The following SLIT3 variants were observed in gnomAD, a reference collection of about 807,000 sequenced individuals.
The protein encoded by SLIT3 is slit guidance ligand 3.
SLIT3 carries 68 observed loss-of-function variants against 184.0 expected under a neutral mutation model. The observed-to-expected ratio is 0.37, with a 90% CI of 0.30 to 0.45. The LOEUF is 0.45. SLIT3 is among the 20% of genes least tolerant of loss of function. SLIT3 has a pLI of 1.00. For missense variants in SLIT3, 1,707 were observed against 2,026.0 expected, an observed-to-expected ratio of 0.84 and a Z score of 3.02; for synonymous variants, 831 against 828.6, an observed-to-expected ratio of 1.00 and a Z score of -0.05.
At chr5:169,137,824 A>G (rs977122910) in intron 4 of SLIT3, among the ~76,000 whole-genome samples, 2 of 151,966 alleles carry the variant, frequency 1.3e-5, no homozygotes, top group African/African-American at 4.8e-5. Flanking sequence ...AAGCAAGATG[A>G]GTTGGTCACA....
In SLIT3 at chr5:169,300,828, G is replaced by T; in HGVS notation, c.-119C>A. The stretch of plus-strand genomic sequence containing the variant: ...GAGCGGGCGGCGGAGTTAGCGCGGA[G>T]GAGGGGCGAGCTCGGTGCTCAGGCG... On this transcript the variant is annotated 5_prime_UTR_variant, in exon 1 of 36. Coordinates refer to ENST00000519560, the MANE Select transcript of SLIT3 (RefSeq NM_003062.4). This position sits in a 1 kb window ranked among gnomAD's most constrained non-coding sequence, Gnocchi z 4.1. 9.5e-7 allele frequency: 1 copy of T among 1,054,824 alleles called. No individual in the cohort carries two copies. Among genetic ancestry groups the T allele is most frequent in the Non-Finnish European group, 1.2e-6 (1 of 833,516 alleles). 65.3% of individuals were successfully genotyped at this position (1,054,824 alleles called of 1,614,324 possible).
chr5:168,774,252 C>T lies in SLIT3; in HGVS notation c.1278G>A (p.Leu426=), dbSNP rs1205191601. The change falls in exon 13 of 36, where the codon CTG becomes CTA. Residue 426 remains leucine, a synonymous_variant. Transcript: ENST00000519560. ...QTISKGLFAP[L]QSIQTLHLAQ... is the part of the protein sequence containing the mutation. Reference sequence around the variant, plus strand: ...GTACTCACAGTGTCTGGATGGACTGCAGAGGGGCGAAGAGCCCCTTGCTGA... The same window carrying T: ...GTACTCACAGTGTCTGGATGGACTGTAGAGGGGCGAAGAGCCCCTTGCTGA... The T allele has an allele frequency of 1.9e-6, 3 of 1,612,640 alleles. No homozygotes were observed. The highest frequency in any genetic ancestry group is 2.2e-5 in the South Asian group (2 of 90,800).
At chr5:169,177,751 C>T (rs550675854) in intron 4 of SLIT3, among the ~76,000 whole-genome samples, 11 of 152,332 alleles carry the variant, frequency 7.2e-5, no homozygotes, top group African/African-American at 2.4e-4. Flanking sequence ...AGGGTGGAGA[C>T]TGGACTCCTA....
chr5:169,052,147 C>T (rs7737524), intron 4 of SLIT3, among the ~76,000 whole-genome samples: 22,340 of 151,764 alleles, frequency 0.15, 2,089 homozygotes, highest in African/African-American at 0.27. Flanking sequence ...CTCATATACC[C>T]CCATCCCACA....
At chr5:168,962,634 G>C (rs1278966903) in intron 4 of SLIT3, among the ~76,000 whole-genome samples, 1 of 152,100 alleles carries the variant, frequency 6.6e-6, no homozygotes, top group African/African-American at 2.4e-5. Context: ...TCCATACCCT[G>C]GAGTCCCACT....
At chr5:168,966,709 C>G (rs1197633426) in intron 4 of SLIT3, among the ~76,000 whole-genome samples, 1 of 152,164 alleles carries the variant, frequency 6.6e-6, no homozygotes, top group Non-Finnish European at 1.5e-5. Context: ...CCTCTTCTGT[C>G]TGGAGAGTTG....
intron 4 of SLIT3, among the ~76,000 whole-genome samples, chr5:168,961,697 T>C (rs893533212): frequency 1.3e-4 from 20 of 152,184 alleles, no homozygotes; most frequent in Middle Eastern, 3.4e-3. Flanking sequence ...GATGGGTTAG[T>C]AGAATTGGTA....
intron 26 of SLIT3, among the ~76,000 whole-genome samples, chr5:168,704,868 C>G (rs1762330592): frequency 6.6e-6 from 1 of 152,156 alleles, no homozygotes; most frequent in African/African-American, 2.4e-5. Context: ...TCATGCAGAA[C>G]TACCATCTTA....
At chr5:168,975,494 C>T (rs940705043) in intron 4 of SLIT3, among the ~76,000 whole-genome samples, 2 of 151,952 alleles carry the variant, frequency 1.3e-5, no homozygotes, top group East Asian at 1.9e-4. Context: ...GACACCCCTA[C>T]ACAGAGACAT....
intron 4 of SLIT3, among the ~76,000 whole-genome samples, chr5:168,972,003 G>T (rs550711451): frequency 6.6e-6 from 1 of 152,336 alleles, no homozygotes; most frequent in African/African-American, 2.4e-5. Flanking sequence ...CTGTAAAAAA[G>T]TTGTTATGTA....
At chr5:168,782,724 T>C (rs1756017356) in intron 12 of SLIT3, among the ~76,000 whole-genome samples, 1 of 152,186 alleles carries the variant, frequency 6.6e-6, no homozygotes, top group Admixed American at 6.5e-5. Context: ...ATATTTCAAT[T>C]CTAAACATAC....
At chr5:169,101,020 C>G (rs1474245527) in intron 4 of SLIT3, among the ~76,000 whole-genome samples, 1 of 152,158 alleles carries the variant, frequency 6.6e-6, no homozygotes, top group Non-Finnish European at 1.5e-5. Flanking sequence ...TCCTGCCTAG[C>G]TGGTTTTGAG....
intron 4 of SLIT3, among the ~76,000 whole-genome samples, chr5:168,953,836 T>G (rs1256391187): frequency 2.0e-5 from 3 of 152,258 alleles, no homozygotes; most frequent in Non-Finnish European, 4.4e-5. Context: ...AAACATTTAC[T>G]GTGCACAAAG....
At chr5:168,937,402 T>C (rs1023445439) in intron 4 of SLIT3, among the ~76,000 whole-genome samples, 4 of 151,990 alleles carry the variant, frequency 2.6e-5, no homozygotes, top group African/African-American at 9.7e-5. Context: ...GAAGACTGAG[T>C]GAGTGAGGAG....
intron 4 of SLIT3, among the ~76,000 whole-genome samples, chr5:168,934,392 G>C (rs1762086770): frequency 6.6e-6 from 1 of 152,200 alleles, no homozygotes; most frequent in Non-Finnish European, 1.5e-5. Context: ...TTTCTCTGCA[G>C]GGGGTGGAAC....
At chr5:168,838,136 T>A (rs1004548978) in intron 6 of SLIT3, among the ~76,000 whole-genome samples, 5 of 152,218 alleles carry the variant, frequency 3.3e-5, no homozygotes, top group African/African-American at 1.2e-4. Context: ...TCTATGTATG[T>A]GTGTTCCGGT....
chr5:168,691,311 A>G (rs1320709451), intron 29 of SLIT3, among the ~76,000 whole-genome samples: 1 of 152,216 alleles, frequency 6.6e-6, no homozygotes, highest in Non-Finnish European at 1.5e-5. Context: ...AGTTTCAGAG[A>G]TTCTATGATT....
intron 1 of SLIT3, among the ~76,000 whole-genome samples, chr5:169,275,052 T>C (rs1766756167): frequency 6.6e-6 from 1 of 152,252 alleles, no homozygotes; most frequent in African/African-American, 2.4e-5. Context: ...AGAATTAGCC[T>C]GGGCTGAGAT....
chr5:168,971,222 C>T lies in SLIT3; in HGVS notation c.414-87886G>A, dbSNP rs927108506. 2.0e-5 allele frequency among the ~76,000 whole-genome samples: 3 copies of T among 152,220 alleles called. No homozygotes were observed. The East Asian group carries it at 5.8e-4, about 29-fold the overall frequency. The stretch of plus-strand genomic sequence containing the variant: ...ATTGCCCTATTATCATCATCTTCAG[C>T]GTCACCATGCATGAATCACCTGAGA... On this transcript the variant is annotated intron_variant, in intron 4 of 35. Coordinates refer to ENST00000519560, the MANE Select transcript of SLIT3 (RefSeq NM_003062.4).
Sources: allele counts gnomAD v4.1 joint callset (sites outside exome capture counted in the v4.1 genomes callset), GRCh38; gene constraint gnomAD v4.1.1; non-coding constraint Gnocchi (gnomAD v3.1); transcripts MANE v1.5; gene names NCBI Gene and HGNC (gene_info 2026-07-23, HGNC 2026-07-21).